PTPRD: variants seen among roughly 807,000 people sequenced by gnomAD.
The protein encoded by PTPRD is protein tyrosine phosphatase receptor type D, also known as receptor-type tyrosine-protein phosphatase delta.
A neutral mutation model predicts 214.5 loss-of-function variants in PTPRD; 34 were observed. The observed-to-expected ratio is 0.16, with a 90% CI of 0.12 to 0.21. PTPRD has a LOEUF of 0.21. Among genes scored for constraint, PTPRD ranks in the 10% least tolerant of loss-of-function variants. The pLI is 1.00. For missense variants in PTPRD, 2,545 were observed against 2,398.7 expected, an observed-to-expected ratio of 1.06 and a Z score of -1.27; for synonymous variants, 1,128 against 845.7, an observed-to-expected ratio of 1.33 and a Z score of -5.79.
chr9:9,764,276 G>C (rs1412236062), intron 6 of PTPRD, among the ~76,000 whole-genome samples: 4 of 152,066 alleles, frequency 2.6e-5, no homozygotes, highest in Non-Finnish European at 4.4e-5. Flanking sequence ...TTATAATGCG[G>C]TGTTCCATCT....
intron 34 of PTPRD, chr9:8,437,255 T>C (rs988585637): frequency 1.3e-6 from 2 of 1,507,800 alleles, no homozygotes; most frequent in Non-Finnish European, 8.9e-7. Flanking sequence ...AAGGAAATGA[T>C]GGTGTAAATA....
chr9:8,645,364 T>A (rs1005920851), intron 12 of PTPRD, among the ~76,000 whole-genome samples: 2 of 152,236 alleles, frequency 1.3e-5, no homozygotes, highest in Non-Finnish European at 2.9e-5. Context: ...ACTTTGGTAT[T>A]ATTTTACTTA....
At chr9:9,699,466 C>T (rs921009651) in intron 7 of PTPRD, among the ~76,000 whole-genome samples, 4 of 151,968 alleles carry the variant, frequency 2.6e-5, no homozygotes, top group Non-Finnish European at 4.4e-5. Context: ...GTCTTTGGTG[C>T]CACATTCTCA....
chr9:10,577,973 G>A (rs1006374716), intron 2 of PTPRD, among the ~76,000 whole-genome samples: 2 of 150,938 alleles, frequency 1.3e-5, no homozygotes, highest in South Asian at 2.1e-4. Flanking sequence ...GTGCAATGGC[G>A]TGATCTCGGC....
At chr9:9,746,570 G>A (rs1024387876) in intron 6 of PTPRD, among the ~76,000 whole-genome samples, 14 of 152,134 alleles carry the variant, frequency 9.2e-5, no homozygotes, top group African/African-American at 2.7e-4. Flanking sequence ...ATTGTGAGTC[G>A]ATATTCACTA....
At chr9:9,795,072 C>A (rs1486061739) in intron 5 of PTPRD, among the ~76,000 whole-genome samples, 1 of 152,194 alleles carries the variant, frequency 6.6e-6, no homozygotes, top group Non-Finnish European at 1.5e-5. Flanking sequence ...GGAGCCCTTG[C>A]GTGGGCTTCA....
In PTPRD at chr9:8,946,192, T is replaced by G. The variant is rs528410506; in HGVS notation, c.-104+72505A>C. 2.2e-3 allele frequency among the ~76,000 whole-genome samples: 331 copies of G among 152,342 alleles called. 5 individuals carry two copies. The highest frequency in any genetic ancestry group is 4.2e-3 in the Admixed American group (64 of 15,296). ...ATTAACATCACTTGATAGCCATTCC[T>G]AAATTTTTACATTGACAATTACTTG... On this transcript the variant is annotated intron_variant, in intron 11 of 45. Transcript: ENST00000381196.
intron 4 of PTPRD, among the ~76,000 whole-genome samples, chr9:9,991,788 A>T (rs2095937524): frequency 6.6e-6 from 1 of 151,808 alleles, no homozygotes; most frequent in African/African-American, 2.4e-5. Flanking sequence ...ATTGTCAAAA[A>T]CCAGACAATT....
intron 4 of PTPRD, among the ~76,000 whole-genome samples, chr9:9,980,608 C>CAG (rs2095506737): frequency 8.8e-5 from 1 of 11,428 alleles, no homozygotes; most frequent in Non-Finnish European, 1.8e-4. Context: ...GACACCTTGT[C>CAG]AAAAAAAAAC....
intron 4 of PTPRD, among the ~76,000 whole-genome samples, chr9:10,024,366 A>C (rs2096880376): frequency 6.6e-6 from 1 of 152,166 alleles, no homozygotes; most frequent in South Asian, 2.1e-4. Flanking sequence ...TTTATTGCTC[A>C]GTGTGAATGC....
intron 10 of PTPRD, among the ~76,000 whole-genome samples, chr9:9,174,973 T>A (rs1172120102): frequency 6.6e-6 from 1 of 152,042 alleles, no homozygotes; most frequent in African/African-American, 2.4e-5. Flanking sequence ...AGGAATGGGA[T>A]TAATATCATT....
intron 12 of PTPRD, among the ~76,000 whole-genome samples, chr9:8,647,220 C>T (rs2096714195): frequency 6.6e-6 from 1 of 152,188 alleles, no homozygotes; most frequent in Non-Finnish European, 1.5e-5. Flanking sequence ...TCACAGAGCT[C>T]TCTTCCCCTC....
At chr9:9,454,645 C>CT (rs1241898180) in intron 8 of PTPRD, among the ~76,000 whole-genome samples, 1 of 151,604 alleles carries the variant, frequency 6.6e-6, no homozygotes, top group Non-Finnish European at 1.5e-5. Flanking sequence ...GAACAGCATA[C>CT]TTTACACAAC....
chr9:8,687,022 G>T (rs567374732), intron 12 of PTPRD, among the ~76,000 whole-genome samples: 61 of 152,242 alleles, frequency 4.0e-4, no homozygotes, highest in African/African-American at 1.4e-3. Context: ...TCTCATGATT[G>T]AAAGAAAAAT....
At chr9:8,926,507 A>G (rs182070408) in intron 11 of PTPRD, among the ~76,000 whole-genome samples, 1 of 152,246 alleles carries the variant, frequency 6.6e-6, no homozygotes, top group Non-Finnish European at 1.5e-5. Flanking sequence ...TGAACTCTAG[A>G]AAGGAAAGTT....
intron 9 of PTPRD, among the ~76,000 whole-genome samples, chr9:9,333,589 A>G (rs1274205135): frequency 2.7e-5 from 4 of 149,846 alleles, no homozygotes; most frequent in Admixed American, 1.3e-4. Context: ...CAGAATTAAT[A>G]TAAAAGAAAA....
chr9:9,382,153 T>A (rs1043203962), intron 9 of PTPRD, among the ~76,000 whole-genome samples: 5 of 89,034 alleles, frequency 5.6e-5, no homozygotes, highest in Non-Finnish European at 1.3e-4. Context: ...GTAAATGGGA[T>A]TTTTTTTCTT....
intron 9 of PTPRD, among the ~76,000 whole-genome samples, chr9:9,366,448 G>C (rs554346196): frequency 6.6e-6 from 1 of 151,570 alleles, no homozygotes; most frequent in African/African-American, 2.4e-5. Context: ...TGAAGAGAAA[G>C]CAAAAGAAAG....
At chr9:8,454,224 C>T (rs2096083950) in intron 33 of PTPRD, among the ~76,000 whole-genome samples, 1 of 152,096 alleles carries the variant, frequency 6.6e-6, no homozygotes. Flanking sequence ...TTGGTAAAAA[C>T]AAACAAAACA....
Sources: allele counts gnomAD v4.1 joint callset (sites outside exome capture counted in the v4.1 genomes callset), GRCh38; gene constraint gnomAD v4.1.1; transcripts MANE v1.5; gene names NCBI Gene and HGNC (gene_info 2026-07-23, HGNC 2026-07-21).